Variants in CELF5 observed in about 807,000 individuals in gnomAD.
CELF5 encodes CUGBP Elav-like family member 5, also known as CUG-BP and ETR-3 like factor 5.
Under a neutral mutation model 54.9 loss-of-function variants are expected in CELF5, and 6 were observed. That is an observed-to-expected ratio of 0.11 (90% confidence interval 0.06 to 0.22). The LOEUF (loss-of-function observed/expected upper bound fraction) is 0.22, where lower values mean the gene tolerates loss of function less well. Among genes scored for constraint, CELF5 ranks in the 10% least tolerant of loss-of-function variants. The pLI is 1.00. For missense variants in CELF5, 401 were observed against 678.6 expected (o/e 0.59, Z 4.54); for synonymous variants, 271 against 290.9 (o/e 0.93, Z 0.70).
intron 1 of CELF5, among the ~76,000 whole-genome samples, chr19:3,233,098 A>AAAAT (rs149983440): frequency 0.2 from 30,552 of 149,668 alleles, 3,155 homozygotes; most frequent in Middle Eastern, 0.27. Context: ...ATTAAAATTA[A>AAAAT]AAATAAATAA....
intron 2 of CELF5, among the ~76,000 whole-genome samples, chr19:3,263,571 G>GAAAA (rs111273612): frequency 1.3e-5 from 2 of 148,778 alleles, no homozygotes; most frequent in Non-Finnish European, 3.0e-5. Flanking sequence ...TAGAAACAAA[G>GAAAA]AAACAAACAA....
rs1246351762 is a variant in CELF5 at position 3,296,760 on chromosome 19, C to T, written c.*43C>T. The T allele has an allele frequency of 6.6e-6, 1 of 152,148 alleles. No individual in the cohort carries two copies. The highest frequency in any genetic ancestry group is 1.5e-5 in the Non-Finnish European group (1 of 68,036). The allele number at this position is 152,148 out of a possible 1,614,324, so 9.4% of individuals were successfully genotyped here. A position where few individuals can be genotyped will look rare whatever the true frequency, so the allele number is the denominator to read the frequency against. ...CATTTTTATACTCCACATCGCAGAC[C>T]TGCGTGATTTGTACAATGTACTTTA... On this transcript the variant is annotated splice_region_variant and 3_prime_UTR_variant, in exon 13 of 13. Coordinates refer to ENST00000292672, the MANE Select transcript of CELF5 (RefSeq NM_021938.4).
intron 1 of CELF5, among the ~76,000 whole-genome samples, chr19:3,238,057 G>A (rs67481397): frequency 0.15 from 22,533 of 148,446 alleles, 1,874 homozygotes; most frequent in East Asian, 0.25. Context: ...TCAAAAAAAA[G>A]AGAATATCTA....
intron 1 of CELF5, among the ~76,000 whole-genome samples, chr19:3,234,106 A>C (rs57340985): frequency 1.3e-5 from 2 of 152,186 alleles, no homozygotes; most frequent in Non-Finnish European, 2.9e-5. Flanking sequence ...ACCAGAGGGC[A>C]TGCCTCTAGC....
chr19:3,295,619 C>G (rs997614995), intron 12 of CELF5: 1 of 151,714 alleles, frequency 6.6e-6, no homozygotes, highest in Non-Finnish European at 1.5e-5. Context: ...CTTTTGGCAC[C>G]CCCCACCACC....
chr19:3,237,357 TACTGCATAGAGCAGCCGCCTGG>T (rs1373602196), intron 1 of CELF5, among the ~76,000 whole-genome samples: 1 of 147,030 alleles, frequency 6.8e-6, no homozygotes, highest in African/African-American at 2.5e-5. Flanking sequence ...AAAGAATAGC[TACTGCATAGAGCAGCCGCCTGG>T]GCTGCTTGTT....
chr19:3,229,189 T>C, intron 1 of CELF5, among the ~76,000 whole-genome samples: 1 of 150,612 alleles, frequency 6.6e-6, no homozygotes, highest in East Asian at 2.0e-4. Flanking sequence ...CAGAATTCCT[T>C]GTAGGATTCA....
At chr19:3,260,771 C>T (rs1443369518) in intron 2 of CELF5, among the ~76,000 whole-genome samples, 9 of 151,956 alleles carry the variant, frequency 5.9e-5, no homozygotes, top group East Asian at 3.9e-4. Context: ...TACAGGCGCC[C>T]GCCACCATGA....
rs746752473 is a variant in CELF5, at chr19:3,285,929, C to T, written c.1103-13C>T. ...GCCCCTCCTCGCCCTGTGTCTCGCTCCGGTCTCCGCAGCCATGTACCCCAC... is the reference window on the plus strand; with the variant it reads ...GCCCCTCCTCGCCCTGTGTCTCGCTTCGGTCTCCGCAGCCATGTACCCCAC... On this transcript the variant is annotated splice_polypyrimidine_tract_variant and intron_variant, in intron 9 of 12. Coordinates refer to ENST00000292672, the MANE Select transcript of CELF5 (RefSeq NM_021938.4). The T allele has an allele frequency of 6.2e-5, 96 of 1,560,276 alleles. No homozygotes were observed. The South Asian group carries it at 6.3e-4, about 10-fold the overall frequency.
At chr19:3,259,874 C>G (rs2079784581) in intron 2 of CELF5, among the ~76,000 whole-genome samples, 2 of 152,156 alleles carry the variant, frequency 1.3e-5, no homozygotes, top group African/African-American at 4.8e-5. Context: ...GATCCGGCCC[C>G]AATGTCCACA....
Position 3,224,694 on chromosome 19 carries a change from G to C in CELF5, c.-46G>C. ...CGGCCGCCGCTCCAGCTGCGAGTCC[G>C]CCCGCCGCCCGCCGCCGCCGCCGCC... On this transcript the variant is annotated 5_prime_UTR_variant, in exon 1 of 13. Coordinates refer to ENST00000292672, the MANE Select transcript of CELF5 (RefSeq NM_021938.4). The C allele has an allele frequency of 1.0e-6, 1 of 996,612 alleles. No individual in the cohort carries two copies. 61.7% of individuals were successfully genotyped at this position (996,612 alleles called of 1,614,324 possible).
intron 10 of CELF5, 108 bp from the exon 11 acceptor site, chr19:3,290,123 C>T (rs2080318927): frequency 1.2e-6 from 1 of 814,542 alleles, no homozygotes; most frequent in Admixed American, 2.5e-5. Context: ...GCACCCCTCT[C>T]CCGACAGCTG....
chr19:3,267,108 C>T lies in CELF5; in HGVS notation c.343-6764C>T, dbSNP rs2079893774. ...GTGTGCATGTGTGTGTGTGTGTGTG[C>T]GTGTGCGTGTGTGTTGGGGGACAGT... On this transcript the variant is annotated intron_variant, in intron 2 of 12. Transcript: ENST00000292672. 2.6e-5 allele frequency among the ~76,000 whole-genome samples: 4 copies of T among 150,994 alleles called. No individual in the cohort carries two copies. The South Asian group carries it at 8.4e-4, about 32-fold the overall frequency.
At position 3,241,932 on chromosome 19, in the gene CELF5, G is replaced by A. The variant is rs1039487542; in HGVS notation, c.260-9053G>A. On this transcript the variant is annotated intron_variant, in intron 1 of 12. Transcript: ENST00000292672. Reference sequence around the variant, plus strand: ...TGGGACCAGAGGCGCGCGCCGCCACGCCCAGCTAATTTTTGTGTTTTTAGT... The same window carrying A: ...TGGGACCAGAGGCGCGCGCCGCCACACCCAGCTAATTTTTGTGTTTTTAGT... Among the ~76,000 whole-genome samples, 7 of 152,072 alleles carry A rather than the reference G, an allele frequency of 4.6e-5. No homozygotes were observed. The South Asian group carries it at 1.0e-3, about 23-fold the overall frequency.
intron 2 of CELF5, among the ~76,000 whole-genome samples, chr19:3,251,690 G>C (rs893400295): frequency 1.4e-5 from 1 of 69,950 alleles, no homozygotes; most frequent in African/African-American, 5.3e-5. Flanking sequence ...TGTTGTTGTT[G>C]TTGAGATGGA....
At chr19:3,276,773 G>A (rs1392205080) in intron 4 of CELF5, among the ~76,000 whole-genome samples, 1 of 149,434 alleles carries the variant, frequency 6.7e-6, no homozygotes, top group African/African-American at 2.5e-5. Context: ...GGGATGCAGG[G>A]GCAGTACCTT....
At chr19:3,274,022 C>A in intron 3 of CELF5, 99 bp downstream of exon 3, 1 of 1,251,964 alleles carries the variant, frequency 8.0e-7, no homozygotes. Flanking sequence ...GGGGCAGTGG[C>A]CGAGGCCTGT....
At chr19:3,255,161 A>G (rs181553096) in intron 2 of CELF5, among the ~76,000 whole-genome samples, 21 of 151,910 alleles carry the variant, frequency 1.4e-4, no homozygotes, top group Admixed American at 1.2e-3. Context: ...CCTAGACCCA[A>G]TGGGGCTCAA....
chr19:3,256,672 G>C (rs371628595), intron 2 of CELF5, among the ~76,000 whole-genome samples: 11 of 149,860 alleles, frequency 7.3e-5, no homozygotes, highest in Non-Finnish European at 1.6e-4. Context: ...GGGTTCAAGC[G>C]ATTCTCCTGC....
Sources: allele counts gnomAD v4.1 joint callset (sites outside exome capture counted in the v4.1 genomes callset), GRCh38; gene constraint gnomAD v4.1.1; transcripts MANE v1.5; gene names NCBI Gene and HGNC (gene_info 2026-07-23, HGNC 2026-07-21).